AHCY: variants seen among roughly 807,000 people sequenced by gnomAD.
The protein encoded by AHCY is adenosylhomocysteinase, also known as S-adenosyl-L-homocysteine hydrolase.
In AHCY, 24 loss-of-function variants were observed where a neutral mutation model predicts 45.4. The observed-to-expected ratio is 0.53, with a 90% confidence interval of 0.38 to 0.74. The LOEUF (loss-of-function observed/expected upper bound fraction) is 0.74, where lower values mean the gene tolerates loss of function less well. Among genes scored for constraint, AHCY ranks in the 30% least tolerant of loss-of-function variants. AHCY has a pLI of 0.00. For missense variants in AHCY, 449 were observed against 594.1 expected, an observed-to-expected ratio of 0.76 and a Z score of 2.54; for synonymous variants, 245 against 235.1, an observed-to-expected ratio of 1.04 and a Z score of -0.39.
Position 34,285,357 on chromosome 20 carries a change from C to T in AHCY, c.1167+83G>A, listed in dbSNP as rs923137741. 4 of 1,523,946 alleles carry T rather than the reference C, an allele frequency of 2.6e-6. No individual in the cohort carries two copies. In the African/African-American group the frequency reaches 5.5e-5, roughly 21 times the overall value. 94.4% of individuals were successfully genotyped at this position (1,523,946 alleles called of 1,614,324 possible). A position where few individuals can be genotyped will look rare whatever the true frequency, so the allele number is the denominator to read the frequency against. Reference sequence around the variant, plus strand: ...CTCTAAGAGGGCAGACAGGCAAGCACTTTATAAACTCTGGCAAGCCCTGTG... The same window carrying T: ...CTCTAAGAGGGCAGACAGGCAAGCATTTTATAAACTCTGGCAAGCCCTGTG... On this transcript the variant is annotated intron_variant, in intron 9 of 9. Coordinates refer to ENST00000217426, the MANE Select transcript of AHCY (RefSeq NM_000687.4).
chr20:34,284,973 C>G (rs907084476), intron 9 of AHCY, among the ~76,000 whole-genome samples: 6 of 152,200 alleles, frequency 3.9e-5, no homozygotes, highest in African/African-American at 1.4e-4. Context: ...GCCCTTTACC[C>G]CTTCAGCTCT....
At chr20:34,260,625 T>A in the AHCY span, 1 of 1,341,842 alleles carries the variant, frequency 7.5e-7, no homozygotes, top group Admixed American at 2.2e-5. Context: ...TCCACCGCCA[T>A]GGTCACGGCT....
At chr20:34,307,920 GTT>G (rs924243611), upstream of AHCY, among the ~76,000 whole-genome samples, 1 of 148,198 alleles carries the variant, frequency 6.7e-6, no homozygotes, top group Non-Finnish European at 1.5e-5. Context: ...CAGCACCTAA[GTT>G]TTTTTTTTTC....
In AHCY at chr20:34,290,676, C is replaced by T; in HGVS notation, c.767-38G>A. 6.2e-7 allele frequency: 1 copy of T among 1,613,960 alleles called. No individual in the cohort carries two copies. The highest frequency in any genetic ancestry group is 8.5e-7 in the Non-Finnish European group (1 of 1,179,960). ...AGTGGCTGTGGGTCATCTACGGTGGCCTTGCCCCTCCCTCTGGCCCCAGTG... is the reference window on the plus strand; with the variant it reads ...AGTGGCTGTGGGTCATCTACGGTGGTCTTGCCCCTCCCTCTGGCCCCAGTG... On this transcript the variant is annotated intron_variant, in intron 6 of 9. Transcript: ENST00000217426. This position sits in a 1 kb window ranked among gnomAD's most constrained non-coding sequence, Gnocchi z 4.5.
At chr20:34,296,489 C>A (rs1016663001) in intron 1 of AHCY, among the ~76,000 whole-genome samples, 3 of 152,158 alleles carry the variant, frequency 2.0e-5, no homozygotes, top group African/African-American at 7.2e-5. Flanking sequence ...TTACTAGTAA[C>A]AAAAAGTATT....
At chr20:34,288,264 T>C (rs1025439454) in intron 8 of AHCY, among the ~76,000 whole-genome samples, 1 of 152,206 alleles carries the variant, frequency 6.6e-6, no homozygotes, top group African/African-American at 2.4e-5. Flanking sequence ...GCTTCTGGTG[T>C]GGCTGTGACT....
At chr20:34,268,989 A>G in the AHCY span, 1 of 1,602,156 alleles carries the variant, frequency 6.2e-7, no homozygotes, top group Non-Finnish European at 8.5e-7. Flanking sequence ...TTTCCCACGC[A>G]GAAGGAGGCT....
chr20:34,282,362 T>C (rs2036031503), intron 9 of AHCY, among the ~76,000 whole-genome samples: 1 of 152,216 alleles, frequency 6.6e-6, no homozygotes, highest in African/African-American at 2.4e-5. Context: ...CTTCAGATGA[T>C]TGCAGCCCTG....
chr20:34,269,333 A>C, the AHCY span: 1 of 849,214 alleles, frequency 1.2e-6, no homozygotes, highest in Non-Finnish European at 1.7e-6. Flanking sequence ...AATACAATAT[A>C]TATAGGCTGC....
At chr20:34,243,071 C>T in the AHCY span, among the ~76,000 whole-genome samples, 1 of 152,204 alleles carries the variant, frequency 6.6e-6, no homozygotes, top group African/African-American at 2.4e-5. Flanking sequence ...ATTCCTTGTA[C>T]ACTGTGGGAA....
the AHCY span, among the ~76,000 whole-genome samples, chr20:34,270,167 A>G: frequency 6.6e-6 from 1 of 151,242 alleles, no homozygotes; most frequent in Non-Finnish European, 1.5e-5. Flanking sequence ...CAGGAGAATC[A>G]CTTGAGCCCT....
the AHCY span, among the ~76,000 whole-genome samples, chr20:34,244,862 A>G: frequency 1.3e-5 from 2 of 152,344 alleles, no homozygotes; most frequent in Non-Finnish European, 2.9e-5. Context: ...TGAACCACAA[A>G]TTTATTAGAT....
At chr20:34,291,282 C>G (rs2036380807) in intron 5 of AHCY, 137 bp downstream of exon 5, 1 of 827,504 alleles carries the variant, frequency 1.2e-6, no homozygotes, top group Non-Finnish European at 2.1e-6. Flanking sequence ...CACTCATTAG[C>G]CTGTCTATAA....
At chr20:34,267,459 C>CAAAAAAAAAAAAAA in the AHCY span, among the ~76,000 whole-genome samples, 1 of 46,280 alleles carries the variant, frequency 2.2e-5, no homozygotes, top group Non-Finnish European at 4.4e-5. Context: ...AACTGGCTCT[C>CAAAAAAAAAAAAAA]AAAAAAAAAA....
the AHCY span, among the ~76,000 whole-genome samples, chr20:34,250,891 TG>T: frequency 6.6e-6 from 1 of 152,158 alleles, no homozygotes; most frequent in Non-Finnish European, 1.5e-5. Flanking sequence ...TCCCCAGTGC[TG>T]TCGCTAAGGG....
At chr20:34,296,983 TAGTAGGCCATCACC>T (rs982481533) in intron 1 of AHCY, among the ~76,000 whole-genome samples, 1 of 152,082 alleles carries the variant, frequency 6.6e-6, no homozygotes, top group Non-Finnish European at 1.5e-5. Context: ...CCTCCTACCC[TAGTAGGCCATCACC>T]AGTGATAGCT....
the AHCY span, among the ~76,000 whole-genome samples, chr20:34,264,565 A>G: frequency 6.6e-6 from 1 of 152,182 alleles, no homozygotes; most frequent in Admixed American, 6.5e-5. Context: ...TACAAGAAAA[A>G]GTTGCTTGAA....
chr20:34,251,991 A>G, the AHCY span, among the ~76,000 whole-genome samples: 1 of 152,234 alleles, frequency 6.6e-6, no homozygotes, highest in African/African-American at 2.4e-5. Flanking sequence ...TAAACAGACT[A>G]AGACAGGATT....
downstream of AHCY, among the ~76,000 whole-genome samples, chr20:34,279,477 G>C (rs2035945393): frequency 6.6e-6 from 1 of 151,690 alleles, no homozygotes; most frequent in Admixed American, 6.6e-5. Context: ...TGTCACCCAA[G>C]TGTGCAAGAT....
Sources: allele counts gnomAD v4.1 joint callset (sites outside exome capture counted in the v4.1 genomes callset), GRCh38; gene constraint gnomAD v4.1.1; non-coding constraint Gnocchi (gnomAD v3.1); transcripts MANE v1.5; gene names NCBI Gene and HGNC (gene_info 2026-07-23, HGNC 2026-07-21).